CCDC149: variants seen among roughly 807,000 people sequenced by gnomAD.
CCDC149 encodes the protein coiled-coil domain-containing protein 149.
In CCDC149, 45 loss-of-function variants were observed where a neutral mutation model predicts 59.9. The observed-to-expected ratio is 0.75, with a 90% confidence interval of 0.59 to 0.96. CCDC149 has a LOEUF of 0.96. Ranked by LOEUF, CCDC149 falls within the 40% of genes least tolerant of loss-of-function variation. CCDC149 has a pLI of 0.00. For missense variants in CCDC149, 584 were observed against 664.7 expected (o/e 0.88, Z 1.33); for synonymous variants, 245 against 260.6 (o/e 0.94, Z 0.58).
intron 1 of CCDC149, among the ~76,000 whole-genome samples, chr4:24,880,317 G>T (rs143165065): frequency 5.3e-5 from 8 of 152,192 alleles, no homozygotes; most frequent in African/African-American, 7.2e-5. Context: ...CATGCAGTAC[G>T]CTGTGCCATC....
At chr4:24,826,455 G>A (rs1278333472) in intron 9 of CCDC149, among the ~76,000 whole-genome samples, 1 of 152,194 alleles carries the variant, frequency 6.6e-6, no homozygotes, top group African/African-American at 2.4e-5. Flanking sequence ...GGGGCAATGA[G>A]GAGGGAGATG....
chr4:24,850,771 A>C (rs1296093340), intron 4 of CCDC149, among the ~76,000 whole-genome samples: 1 of 152,172 alleles, frequency 6.6e-6, no homozygotes, highest in Non-Finnish European at 1.5e-5. Context: ...CCACACAGTC[A>C]CAGTTACCTG....
chr4:24,804,454 GCA>G (rs1266037446), downstream of CCDC149, among the ~76,000 whole-genome samples: 4 of 138,256 alleles, frequency 2.9e-5, no homozygotes, highest in Non-Finnish European at 6.0e-5. Flanking sequence ...TCATGCCACT[GCA>G]CTCCACCCTG....
rs377600158 is a variant in CCDC149, at chr4:24,853,170, C to T, written c.274G>A (p.Ala92Thr). The change falls in exon 4 of 13, where the codon GCA becomes ACA. Residue 92 changes from alanine (A) to threonine (T), a missense_variant. Ala to Thr is a moderately conservative substitution (Grantham distance 58). Coordinates refer to ENST00000635206, the MANE Select transcript of CCDC149 (RefSeq NM_001330643.2). ...TCCTGAGAATCTCTCAATAGTTGTG[C>T]AAGATTAGCCTAGAAATATCAACAC... is the stretch of plus-strand genomic sequence containing the variant. 3.7e-6 allele frequency: 6 copies of T among 1,603,842 alleles called. No individual in the cohort carries two copies. The highest frequency in any genetic ancestry group is 5.1e-6 in the Non-Finnish European group (6 of 1,171,002).
chr4:24,943,782 C>T (rs1034151806), intron 1 of CCDC149, among the ~76,000 whole-genome samples: 11 of 152,178 alleles, frequency 7.2e-5, no homozygotes, highest in African/African-American at 2.4e-4. Flanking sequence ...CAAAAGAAGA[C>T]ATTTATGTCG....
intron 1 of CCDC149, among the ~76,000 whole-genome samples, chr4:24,887,997 C>T (rs1388754324): frequency 6.6e-6 from 1 of 152,134 alleles, no homozygotes; most frequent in African/African-American, 2.4e-5. Flanking sequence ...CTGTCCTGCA[C>T]CCTGCTCCTG....
In CCDC149 at chr4:24,837,429, A is replaced by T; in HGVS notation, c.490-29T>A. 2 of 1,611,184 alleles carry T rather than the reference A, an allele frequency of 1.2e-6. No homozygotes were observed. The highest frequency in any genetic ancestry group is 1.7e-6 in the Non-Finnish European group (2 of 1,178,186). ...AAACCACAGGGAGAGCCCTTACTCA[A>T]GATGTTCCTCAGGCTCCAGCTTTAT... On this transcript the variant is annotated intron_variant, in intron 5 of 12. Transcript: ENST00000635206. This position sits in a 1 kb window ranked among gnomAD's most constrained non-coding sequence, Gnocchi z 4.3.
At chr4:24,809,986 T>C (rs1324916140) in intron 12 of CCDC149, among the ~76,000 whole-genome samples, 2 of 152,238 alleles carry the variant, frequency 1.3e-5, no homozygotes, top group Non-Finnish European at 2.9e-5. Context: ...TTCCTTTCGC[T>C]TAGGCCCTTA....
In CCDC149 at chr4:24,873,563, C is replaced by T. The variant is rs1241173568; in HGVS notation, c.264+118G>A. ...AGTTGGAATCTCTACCTACTCCTCC[C>T]AATAACAGAAAGAATTCCAGGAAAT... is the stretch of plus-strand genomic sequence containing the variant. On this transcript the variant is annotated intron_variant, in intron 3 of 12. Transcript: ENST00000635206. 22 of 756,530 alleles carry T rather than the reference C, an allele frequency of 2.9e-5. No homozygotes were observed. The East Asian group carries it at 3.3e-4, about 11-fold the overall frequency. The allele number at this position is 756,530 out of a possible 1,614,324, so 46.9% of individuals were successfully genotyped here. A position where few individuals can be genotyped will look rare whatever the true frequency, so the allele number is the denominator to read the frequency against.
intron 8 of CCDC149, 132 bp downstream of exon 8, chr4:24,834,816 A>G: frequency 1.8e-6 from 1 of 552,608 alleles, no homozygotes; most frequent in Non-Finnish European, 3.1e-6. Flanking sequence ...TGCACGTGGA[A>G]GTCGGGGAGC....
upstream of CCDC149, among the ~76,000 whole-genome samples, chr4:24,913,404 A>G (rs372188749): frequency 2.6e-5 from 4 of 152,348 alleles, no homozygotes; most frequent in South Asian, 4.1e-4. Flanking sequence ...CCTGGCCCAT[A>G]GGAGATGCTC....
intron 1 of CCDC149, among the ~76,000 whole-genome samples, chr4:24,964,124 G>T (rs535075360): frequency 1.3e-5 from 2 of 151,396 alleles, no homozygotes; most frequent in African/African-American, 4.9e-5. Flanking sequence ...AGCCCAGGAG[G>T]TGGAGGCTGG....
rs1372063294 is a variant in CCDC149 at position 24,874,251 on chromosome 4, TTTTTTTTTGTTTTGTTTTTTTTTG to T, written c.226-556_226-533del. 7.0e-5 allele frequency among the ~76,000 whole-genome samples: 5 copies of T among 71,912 alleles called. 1 individual carries two copies. The highest frequency in any genetic ancestry group is 7.7e-4 in the East Asian group (2 of 2,594). The allele number at this position is 71,912 out of a possible 152,430, so 47.2% of individuals were successfully genotyped here. A position where few individuals can be genotyped will look rare whatever the true frequency, so the allele number is the denominator to read the frequency against. On this transcript the variant is annotated intron_variant, in intron 2 of 12. Coordinates refer to ENST00000635206, the MANE Select transcript of CCDC149 (RefSeq NM_001330643.2). ...TCTAGTCCTATTAGATTTGTTTTTTTTTTTTTTTGTTTTGTTTTTTTTTGTTTTTTTGCCTTAAAAGGATTCTGG... is the reference window on the plus strand; with the variant it reads ...TCTAGTCCTATTAGATTTGTTTTTTTTTTTTTTGCCTTAAAAGGATTCTGG...
intron 12 of CCDC149, among the ~76,000 whole-genome samples, chr4:24,815,105 G>T (rs1714927822): frequency 6.6e-6 from 1 of 152,118 alleles, no homozygotes; most frequent in Non-Finnish European, 1.5e-5. Flanking sequence ...TTAAATGTTT[G>T]AATATATGAA....
intron 3 of CCDC149, among the ~76,000 whole-genome samples, chr4:24,871,849 T>C (rs571597488): frequency 6.6e-6 from 1 of 152,348 alleles, no homozygotes; most frequent in African/African-American, 2.4e-5. Flanking sequence ...CAGATTCTCC[T>C]TAGTCAATGT....
chr4:24,884,613 G>T (rs1224036352), intron 1 of CCDC149, among the ~76,000 whole-genome samples: 1 of 152,118 alleles, frequency 6.6e-6, no homozygotes, highest in Non-Finnish European at 1.5e-5. Flanking sequence ...CTAATGGTTG[G>T]GAACACGGCA....
rs570495445 is a variant in CCDC149, at chr4:24,825,691, T to G, written c.966-3118A>C. Among the ~76,000 whole-genome samples the G allele has an allele frequency of 4.6e-5, 7 of 150,866 alleles. 1 individual carries two copies. The South Asian group carries it at 1.5e-3, about 32-fold the overall frequency. ...GGGAGGCTGAGGCAGGAGAATGGCG[T>G]GAACCCAGGAGGCAGAGCTTGTAGT... On this transcript the variant is annotated intron_variant, in intron 9 of 12. Coordinates refer to ENST00000635206, the MANE Select transcript of CCDC149 (RefSeq NM_001330643.2).
chr4:24,894,961 A>C, intron 1 of CCDC149: 1 of 1,535,858 alleles, frequency 6.5e-7, no homozygotes, highest in Non-Finnish European at 8.7e-7. Flanking sequence ...ACATAGGCTT[A>C]AAGTCCCATG....
chr4:24,955,360 G>C (rs927977490), intron 1 of CCDC149, among the ~76,000 whole-genome samples: 2 of 152,134 alleles, frequency 1.3e-5, no homozygotes, highest in African/African-American at 4.8e-5. Context: ...AACCCTCAAG[G>C]CCTAGTCACT....
Sources: gnomAD v4.1 joint callset for allele counts (sites outside exome capture counted in the v4.1 genomes callset) on GRCh38, gnomAD v4.1.1 for gene constraint, Gnocchi (gnomAD v3.1) non-coding constraint, MANE v1.5 for transcripts, NCBI Gene and HGNC (gene_info 2026-07-23, HGNC 2026-07-21) for gene names.